CABCOCO1: variants seen among roughly 807,000 people sequenced by gnomAD.
CABCOCO1 encodes the protein ciliary-associated calcium-binding coiled-coil protein 1.
A neutral mutation model predicts 35.7 loss-of-function variants in CABCOCO1; 28 were observed. That is an observed-to-expected ratio of 0.78 (90% confidence interval 0.58 to 1.07). CABCOCO1 has a LOEUF of 1.07. Among genes scored for constraint, CABCOCO1 ranks in the 50% least tolerant of loss-of-function variants. The pLI is 0.00. For missense variants in CABCOCO1, 326 were observed against 309.2 expected, an observed-to-expected ratio of 1.05 and a Z score of -0.41; for synonymous variants, 95 against 100.1, an observed-to-expected ratio of 0.95 and a Z score of 0.30.
At chr10:61,700,731 G>A (rs1390383641) in intron 5 of CABCOCO1, among the ~76,000 whole-genome samples, 1 of 152,052 alleles carries the variant, frequency 6.6e-6, no homozygotes, top group Non-Finnish European at 1.5e-5. Context: ...AAACTGTAGA[G>A]TAGCCAAATG....
chr10:61,713,051 T>C (rs1455321124), intron 5 of CABCOCO1, among the ~76,000 whole-genome samples: 1 of 152,210 alleles, frequency 6.6e-6, no homozygotes, highest in Non-Finnish European at 1.5e-5. Context: ...CGAAAGTCAT[T>C]GGTAGTTTGA....
In CABCOCO1 at chr10:61,760,194, T is replaced by G; in HGVS notation, c.675+13T>G. ...TACGGAAATGAAGGTATATTTCTTT[T>G]TGTCTTTCCATTCACCCTACCTCAT... is the stretch of plus-strand genomic sequence containing the variant. On this transcript the variant is annotated intron_variant, in intron 6 of 7. Transcript: ENST00000648843. 1 of 1,609,806 alleles carries G rather than the reference T, an allele frequency of 6.2e-7. No homozygotes were observed. Among genetic ancestry groups the G allele is most frequent in the African/African-American group, 1.3e-5 (1 of 74,862 alleles).
At chr10:61,742,464 C>T (rs1161764794) in intron 5 of CABCOCO1, among the ~76,000 whole-genome samples, 2 of 151,258 alleles carry the variant, frequency 1.3e-5, no homozygotes, top group African/African-American at 4.9e-5. Context: ...ACTCAAACTA[C>T]AAAGAAAAAA....
chr10:61,710,150 A>C (rs60129878), intron 5 of CABCOCO1, among the ~76,000 whole-genome samples: 1 of 151,910 alleles, frequency 6.6e-6, no homozygotes, highest in Non-Finnish European at 1.5e-5. Context: ...TTTTGTGTGT[A>C]TATCACTGAT....
At chr10:61,704,760 C>T (rs1840553781) in intron 5 of CABCOCO1, among the ~76,000 whole-genome samples, 2 of 151,892 alleles carry the variant, frequency 1.3e-5, no homozygotes, top group African/African-American at 4.8e-5. Flanking sequence ...GCCGAAATCT[C>T]TCTCTTTTGC....
At chr10:61,697,098 T>C (rs560402530) in intron 5 of CABCOCO1, among the ~76,000 whole-genome samples, 1 of 152,240 alleles carries the variant, frequency 6.6e-6, no homozygotes, top group South Asian at 2.1e-4. Context: ...GGAGAGCAGA[T>C]TGGCAAAATC....
intron 2 of CABCOCO1, among the ~76,000 whole-genome samples, chr10:61,675,023 C>T (rs750747383): frequency 1.3e-5 from 2 of 152,070 alleles, no homozygotes; most frequent in Admixed American, 1.3e-4. Flanking sequence ...TTCTGCATGT[C>T]ATATTTAAGA....
At chr10:61,753,854 C>T (rs1471197034) in intron 5 of CABCOCO1, among the ~76,000 whole-genome samples, 2 of 152,094 alleles carry the variant, frequency 1.3e-5, no homozygotes, top group Non-Finnish European at 2.9e-5. Context: ...ATGTTTGATA[C>T]TTTAAAGACT....
Position 61,680,687 on chromosome 10 carries a change from G to GAGA in CABCOCO1, c.165-456_165-455insAGA, listed in dbSNP as rs1839746245. ...CATGTATAACATATATGTTATACAT[G>GAGA]TATAACATATATATGTTATACATGT... On this transcript the variant is annotated intron_variant, in intron 2 of 7. Coordinates refer to ENST00000648843, the MANE Select transcript of CABCOCO1 (RefSeq NM_001366906.2). Among the ~76,000 whole-genome samples the GAGA allele has an allele frequency of 4.1e-5, 3 of 73,730 alleles. 1 individual carries two copies. The Admixed American group carries it at 4.7e-4, about 12-fold the overall frequency. 48.4% of individuals were successfully genotyped at this position (73,730 alleles called of 152,430 possible).
At chr10:61,707,149 T>A (rs1840612800) in intron 5 of CABCOCO1, among the ~76,000 whole-genome samples, 1 of 151,882 alleles carries the variant, frequency 6.6e-6, no homozygotes, top group South Asian at 2.1e-4. Context: ...TGGGCAGGAG[T>A]AGGTGTAGGG....
At chr10:61,675,181 A>G (rs1308999162) in intron 2 of CABCOCO1, among the ~76,000 whole-genome samples, 4 of 152,056 alleles carry the variant, frequency 2.6e-5, no homozygotes, top group African/African-American at 9.7e-5. Context: ...CTCTTTCCCT[A>G]CGTTCTTTCA....
At chr10:61,731,451 C>G (rs138817063) in intron 5 of CABCOCO1, among the ~76,000 whole-genome samples, 1 of 151,986 alleles carries the variant, frequency 6.6e-6, no homozygotes, top group Non-Finnish European at 1.5e-5. Context: ...CACATAAAAT[C>G]CAGGATCTTC....
rs150582118 is a variant in CABCOCO1 at position 61,671,069 on chromosome 10, G to A, written c.61-1563G>A. On this transcript the variant is annotated intron_variant, in intron 1 of 7. Coordinates refer to ENST00000648843, the MANE Select transcript of CABCOCO1 (RefSeq NM_001366906.2). The stretch of plus-strand genomic sequence containing the variant: ...TGGCTGGGCACCGTGGCCCACGCCT[G>A]TAATCCCATCACTTTGGGAGGCTGA... Among the ~76,000 whole-genome samples the A allele has an allele frequency of 2.9e-4, 44 of 152,338 alleles. No homozygotes were observed. In the East Asian group the frequency reaches 8.3e-3, roughly 29 times the overall value.
chr10:61,724,946 G>T (rs1157995730), intron 5 of CABCOCO1, among the ~76,000 whole-genome samples: 1 of 152,226 alleles, frequency 6.6e-6, no homozygotes, highest in Non-Finnish European at 1.5e-5. Context: ...ATATACCCTA[G>T]AACTTAAAGT....
At chr10:61,720,944 CGA>C (rs1840998149) in intron 5 of CABCOCO1, among the ~76,000 whole-genome samples, 1 of 93,844 alleles carries the variant, frequency 1.1e-5, no homozygotes, top group African/African-American at 3.9e-5. Flanking sequence ...TTTTTTTTTG[CGA>C]CAGAGTCTCA....
chr10:61,759,066 T>C (rs935517228), intron 5 of CABCOCO1, among the ~76,000 whole-genome samples: 6 of 151,986 alleles, frequency 3.9e-5, no homozygotes, highest in African/African-American at 1.4e-4. Context: ...ATTTTCAAAA[T>C]TTTGTCTTCA....
chr10:61,688,411 C>T (rs1234083443), intron 4 of CABCOCO1, among the ~76,000 whole-genome samples: 2 of 152,148 alleles, frequency 1.3e-5, no homozygotes, highest in Non-Finnish European at 2.9e-5. Flanking sequence ...CCTTAACACA[C>T]TCTGTCATGT....
intron 2 of CABCOCO1, among the ~76,000 whole-genome samples, chr10:61,680,717 CAT>C (rs1839759498): frequency 2.2e-5 from 2 of 91,280 alleles, no homozygotes; most frequent in African/African-American, 4.6e-5. Flanking sequence ...ACATGTATAA[CAT>C]ATATATTATA....
Position 61,681,154 on chromosome 10 carries a change from T to C in CABCOCO1, c.176T>C (p.Ile59Thr), listed in dbSNP as rs1839779432. Reference protein sequence around the residue: ...DIDGVQEKLRIFLNFKNLETC... With the variant: ...DIDGVQEKLRTFLNFKNLETC... ...GTTTTATTTTACAGAAAACTGAGAATATTTTTGAATTTCAAAAACCTTGAA... is the reference window on the plus strand; with the variant it reads ...GTTTTATTTTACAGAAAACTGAGAACATTTTTGAATTTCAAAAACCTTGAA... The change falls in exon 3 of 8, where the codon ATA becomes ACA. Residue 59 changes from isoleucine (I) to threonine (T), a missense_variant. By Grantham distance (89) the Ile-to-Thr change is moderately conservative. Coordinates refer to ENST00000648843, the MANE Select transcript of CABCOCO1 (RefSeq NM_001366906.2). 2.8e-6 allele frequency: 4 copies of C among 1,450,166 alleles called. No individual in the cohort carries two copies. The highest frequency in any genetic ancestry group is 2.5e-5 in the Admixed American group (1 of 39,318). The allele number at this position is 1,450,166 out of a possible 1,614,324, so 89.8% of individuals were successfully genotyped here.
Sources: allele counts gnomAD v4.1 joint callset (sites outside exome capture counted in the v4.1 genomes callset), GRCh38; gene constraint gnomAD v4.1.1; transcripts MANE v1.5; gene names NCBI Gene and HGNC (gene_info 2026-07-23, HGNC 2026-07-21).